PTPRN2: variants seen among roughly 807,000 people sequenced by gnomAD.
PTPRN2 encodes the protein receptor-type tyrosine-protein phosphatase N2.
In PTPRN2, 74 loss-of-function variants were observed where a neutral mutation model predicts 118.8. The ratio of observed to expected loss-of-function variants is 0.62; its 90% CI spans 0.52 to 0.76. The LOEUF (loss-of-function observed/expected upper bound fraction) is 0.76, where lower values mean the gene tolerates loss of function less well. PTPRN2 is among the 30% of genes least tolerant of loss of function. The pLI is 0.00. For missense variants in PTPRN2, 1,481 were observed against 1,394.4 expected (o/e 1.06, Z -0.99); for synonymous variants, 641 against 608.0 (o/e 1.05, Z -0.80).
chr7:158,366,368 G>T (rs555606603), intron 2 of PTPRN2, among the ~76,000 whole-genome samples: 1 of 107,982 alleles, frequency 9.3e-6, no homozygotes, highest in Non-Finnish European at 1.9e-5. Context: ...CCCAATGCAC[G>T]CGTGCAAACG....
At chr7:158,336,708 C>T (rs1476797300) in intron 2 of PTPRN2, among the ~76,000 whole-genome samples, 2 of 122,700 alleles carry the variant, frequency 1.6e-5, no homozygotes, top group African/African-American at 6.2e-5. Context: ...TCACTCACAC[C>T]CACACTCTCA....
At chr7:158,371,301 A>G (rs1290730384) in intron 2 of PTPRN2, among the ~76,000 whole-genome samples, 1 of 152,006 alleles carries the variant, frequency 6.6e-6, no homozygotes, top group African/African-American at 2.4e-5. Flanking sequence ...ATCAGATCCT[A>G]TAATAAGAGA....
chr7:158,379,654 G>A (rs371016669), intron 2 of PTPRN2, among the ~76,000 whole-genome samples: 23 of 152,188 alleles, frequency 1.5e-4, no homozygotes, highest in East Asian at 5.8e-4. Context: ...CAGGTGGGGC[G>A]GGGTTCCTAA....
chr7:157,642,428 A>T (rs980022145), intron 14 of PTPRN2, among the ~76,000 whole-genome samples: 1 of 152,244 alleles, frequency 6.6e-6, no homozygotes, highest in Non-Finnish European at 1.5e-5. Flanking sequence ...AACTGCTGTG[A>T]TTCAATTCCT....
chr7:157,871,202 C>T (rs1403301823), intron 12 of PTPRN2, among the ~76,000 whole-genome samples: 1 of 152,210 alleles, frequency 6.6e-6, no homozygotes, highest in Non-Finnish European at 1.5e-5. Flanking sequence ...CTGTGGTTCT[C>T]AAAGTGGGGT....
chr7:157,615,150 C>T lies in PTPRN2; in HGVS notation c.2344+6212G>A, dbSNP rs746680040. On this transcript the variant is annotated intron_variant, in intron 15 of 22. Coordinates refer to ENST00000389418, the MANE Select transcript of PTPRN2 (RefSeq NM_002847.5). The surrounding 1 kb of genome is among the most constrained non-coding windows in gnomAD (Gnocchi z 4.3). ...TCACGCTAATACGGCCAACACTGGG[C>T]GGCTGGCCAGCGTGGGTGGTGGGTG... is the stretch of plus-strand genomic sequence containing the variant. Among the ~76,000 whole-genome samples the T allele has an allele frequency of 1.3e-5, 2 of 152,238 alleles. No homozygotes were observed. The highest frequency in any genetic ancestry group is 2.4e-5 in the African/African-American group (1 of 41,470).
chr7:158,137,832 T>C lies in PTPRN2; in HGVS notation c.1132+462A>G, dbSNP rs114745070. On this transcript the variant is annotated intron_variant, in intron 7 of 22. Transcript: ENST00000389418. The stretch of plus-strand genomic sequence containing the variant: ...GGCTGCAGAAGTCCTGGCTGACCCA[T>C]GGGGCCTCCACAGGGCTCCGGATGC... Among the ~76,000 whole-genome samples the C allele has an allele frequency of 4.4e-3, 673 of 152,292 alleles. 5 individuals are homozygous for C. Among genetic ancestry groups the C allele is most frequent in the African/African-American group, 0.014 (564 of 41,542 alleles).
chr7:158,014,548 C>T (rs1806297196), intron 11 of PTPRN2, among the ~76,000 whole-genome samples: 1 of 151,970 alleles, frequency 6.6e-6, no homozygotes, highest in South Asian at 2.1e-4. Flanking sequence ...TCCACCTACC[C>T]ATCCATTCAG....
chr7:157,725,500 TCCACACGCAGAGGACGGCGGCCAGACC>T (rs1563042476), intron 12 of PTPRN2, among the ~76,000 whole-genome samples: 28 of 69,016 alleles, frequency 4.1e-4, no homozygotes, highest in African/African-American at 1.9e-3. Context: ...GAACTGGATA[TCCACACGCAGAGGACGGCGGCCAGACC>T]CTCACCTCCC....
At chr7:157,593,655 G>A (rs1248043778) in intron 17 of PTPRN2, among the ~76,000 whole-genome samples, 10 of 152,188 alleles carry the variant, frequency 6.6e-5, no homozygotes, top group Non-Finnish European at 2.9e-5. Flanking sequence ...AAGGGCCCTG[G>A]GGCTCCATTC....
intron 1 of PTPRN2, among the ~76,000 whole-genome samples, chr7:158,490,629 G>A (rs1013491700): frequency 6.6e-6 from 1 of 152,250 alleles, no homozygotes; most frequent in African/African-American, 2.4e-5. Flanking sequence ...GAACCGGGAG[G>A]GCCCCAGGGC....
chr7:157,977,551 G>A lies in PTPRN2; in HGVS notation c.1724-78814C>T, dbSNP rs142772101. On this transcript the variant is annotated intron_variant, in intron 11 of 22. Coordinates refer to ENST00000389418, the MANE Select transcript of PTPRN2 (RefSeq NM_002847.5). This position sits in a 1 kb window ranked among gnomAD's most constrained non-coding sequence, Gnocchi z 4.6. ...GGGATGACGTGAGTGTGTTCATGGA[G>A]TAGTGTACAAGGCCCCAGGTGGGAT... 1.3e-3 allele frequency among the ~76,000 whole-genome samples: 198 copies of A among 151,618 alleles called. No homozygotes were observed. Among genetic ancestry groups the A allele is most frequent in the African/African-American group, 4.7e-3 (193 of 41,244 alleles).
chr7:157,595,593 T>TG lies in PTPRN2; in HGVS notation c.2419-279dup, dbSNP rs1801275530. Among the ~76,000 whole-genome samples the TG allele has an allele frequency of 2.8e-4, 20 of 72,112 alleles. 3 individuals carry two copies. Among genetic ancestry groups the TG allele is most frequent in the African/African-American group, 1.7e-3 (19 of 10,948 alleles). The allele number at this position is 72,112 out of a possible 152,430, so 47.3% of individuals were successfully genotyped here. A position where few individuals can be genotyped will look rare whatever the true frequency, so the allele number is the denominator to read the frequency against. The stretch of plus-strand genomic sequence containing the variant: ...GAAGCCAGGAGGTTAGGAAGCCTGG[T>TG]GTTTAGGAAGCCCGGAGGTTAGGAA... On this transcript the variant is annotated intron_variant, in intron 16 of 22. Coordinates refer to ENST00000389418, the MANE Select transcript of PTPRN2 (RefSeq NM_002847.5).
rs569081163 is a variant in PTPRN2 at position 157,603,860 on chromosome 7, A to G, written c.2418+142T>C. On this transcript the variant is annotated intron_variant, in intron 16 of 22. Transcript: ENST00000389418. This position sits in a 1 kb window ranked among gnomAD's most constrained non-coding sequence, Gnocchi z 5.4. ...GGAACAGGGGAGTGGCGGGAGCCCA[A>G]TGGGCAGAGTCGGCCCTGTCCACCG... 6.0e-4 allele frequency: 454 copies of G among 761,088 alleles called. 2 individuals carry two copies. The South Asian group carries it at 7.3e-3, about 12-fold the overall frequency. The allele number at this position is 761,088 out of a possible 1,614,324, so 47.1% of individuals were successfully genotyped here. A position where few individuals can be genotyped will look rare whatever the true frequency, so the allele number is the denominator to read the frequency against.
chr7:157,840,919 C>T (rs936772770), intron 12 of PTPRN2, among the ~76,000 whole-genome samples: 10 of 152,202 alleles, frequency 6.6e-5, no homozygotes, highest in African/African-American at 2.4e-4. Context: ...GGGAGAAGCA[C>T]CGGCGGGGGC....
At chr7:158,163,272 C>T (rs543351100) in intron 6 of PTPRN2, among the ~76,000 whole-genome samples, 4 of 151,724 alleles carry the variant, frequency 2.6e-5, no homozygotes, top group East Asian at 2.0e-4. Flanking sequence ...GACGCCTGTA[C>T]GGGGTTCTCA....
At chr7:158,441,812 GTGA>G (rs1327933115) in intron 2 of PTPRN2, among the ~76,000 whole-genome samples, 3 of 131,096 alleles carry the variant, frequency 2.3e-5, no homozygotes, top group African/African-American at 9.0e-5. Flanking sequence ...GGCAGTGGTG[GTGA>G]TGGTGATAGT....
At chr7:158,518,208 T>C (rs942465023) in intron 1 of PTPRN2, among the ~76,000 whole-genome samples, 7 of 152,178 alleles carry the variant, frequency 4.6e-5, no homozygotes, top group Admixed American at 1.3e-4. Flanking sequence ...ATAGAGACGA[T>C]ACGGATTTCA....
chr7:158,213,206 TTG>T (rs57665784), intron 3 of PTPRN2, among the ~76,000 whole-genome samples: 30,670 of 140,012 alleles, frequency 0.22, 3,129 homozygotes, highest in East Asian at 0.27. Flanking sequence ...GGCTCTGTGC[TTG>T]TGTGTGTGTG....
Sources: gnomAD v4.1 joint callset for allele counts (sites outside exome capture counted in the v4.1 genomes callset) on GRCh38, gnomAD v4.1.1 for gene constraint, Gnocchi (gnomAD v3.1) non-coding constraint, MANE v1.5 for transcripts, NCBI Gene and HGNC (gene_info 2026-07-23, HGNC 2026-07-21) for gene names.